The following MCM2 variants were observed in gnomAD, a reference collection of about 807,000 sequenced individuals.
MCM2 encodes minichromosome maintenance complex component 2.
Under a neutral mutation model 86.4 loss-of-function variants are expected in MCM2, and 49 were observed. That is an observed-to-expected ratio of 0.57 (90% CI 0.45 to 0.72). MCM2 has a LOEUF of 0.72. Among genes scored for constraint, MCM2 ranks in the 30% least tolerant of loss-of-function variants. The pLI, the probability that MCM2 is intolerant of heterozygous loss-of-function variation, is 0.00. For synonymous variants in MCM2, 475 were observed against 484.6 expected (o/e 0.98, Z 0.26); for missense variants, 1,038 against 1,259.9 (o/e 0.82, Z 2.67).
chr3:127,621,175 T>C lies in MCM2; in HGVS notation c.2551T>C (p.Phe851Leu), dbSNP rs1167669691. 1 of 1,614,186 alleles carries C rather than the reference T, an allele frequency of 6.2e-7. No homozygotes were observed. Among genetic ancestry groups the C allele is most frequent in the Admixed American group, 1.7e-5 (1 of 60,030 alleles). ...GCAGGTGACATATCAGCGCAACCGC[T>C]TTGGGGCCCAGCAGGACACTATTGA... ...AEQVTYQRNR[F>L]GAQQDTIEVP... Residue 851 changes from phenylalanine (F) to leucine (L), a missense_variant, in exon 15 of 16, where the codon TTT becomes CTT. Phe to Leu is a conservative substitution (Grantham distance 22). Around this residue, in one of 4 missense-constraint regions of MCM2, gnomAD observed 336 missense variants for 425.7 expected, o/e 0.79. Coordinates refer to ENST00000265056, the MANE Select transcript of MCM2 (RefSeq NM_004526.4).
chr3:127,600,496 T>C (rs1412174297), intron 2 of MCM2, among the ~76,000 whole-genome samples: 3 of 152,174 alleles, frequency 2.0e-5, no homozygotes, highest in African/African-American at 4.8e-5. Flanking sequence ...GTGAGAGTAC[T>C]GTGCAGGGCA....
At chr3:127,600,098 G>A (rs1333544710) in intron 2 of MCM2, among the ~76,000 whole-genome samples, 1 of 152,128 alleles carries the variant, frequency 6.6e-6, no homozygotes, top group Admixed American at 6.5e-5. Context: ...TGGTCAACAG[G>A]GTGAAACCCC....
chr3:127,617,275 G>A lies in MCM2; in HGVS notation c.1774-4G>A, dbSNP rs776018307. On this transcript the variant is annotated splice_region_variant and splice_polypyrimidine_tract_variant and intron_variant, in intron 10 of 15. Coordinates refer to ENST00000265056, the MANE Select transcript of MCM2 (RefSeq NM_004526.4). The surrounding 1 kb of genome is among the most constrained non-coding windows in gnomAD (Gnocchi z 4.1). ...GCTAAGGGTGGGCCATTTTAATCTTGCAGATGAATGACCAGGACAGAACCA... is the reference window on the plus strand; with the variant it reads ...GCTAAGGGTGGGCCATTTTAATCTTACAGATGAATGACCAGGACAGAACCA... 3.7e-6 allele frequency: 6 copies of A among 1,613,974 alleles called. No homozygotes were observed. Among genetic ancestry groups the A allele is most frequent in the South Asian group, 1.1e-5 (1 of 91,084 alleles).
Position 127,606,670 on chromosome 3 carries a change from C to T in MCM2, c.954C>T (p.Val318=). 1.2e-6 allele frequency: 2 copies of T among 1,614,230 alleles called. No individual in the cohort carries two copies. Among genetic ancestry groups the T allele is most frequent in the East Asian group, 2.2e-5 (1 of 44,890 alleles). The change falls in exon 6 of 16, where the codon GTC becomes GTT. Residue 318 remains valine, a synonymous_variant. Transcript: ENST00000265056. The surrounding 1 kb of genome is among the most constrained non-coding windows in gnomAD (Gnocchi z 4.2). ...TSGVVTSCTG[V]LPQLSMVKYN... ...GGGTGGTGACCAGCTGCACTGGCGT[C>T]CTGCCCCAGCTCAGCATGGTCAAGT...
In MCM2 at chr3:127,617,230, G is replaced by C. The variant is rs779989525; in HGVS notation, c.1774-49G>C. 3 of 1,610,618 alleles carry C rather than the reference G, an allele frequency of 1.9e-6. No individual in the cohort carries two copies. In the South Asian group the frequency reaches 3.3e-5, roughly 18 times the overall value. On this transcript the variant is annotated intron_variant, in intron 10 of 15. Transcript: ENST00000265056. The surrounding 1 kb of genome is among the most constrained non-coding windows in gnomAD (Gnocchi z 4.1). The stretch of plus-strand genomic sequence containing the variant: ...CCATTGGGACCTCATCGGAGACTTA[G>C]TAGTAGGGGCGTGAACCATGCTAAG...
rs1184317338 is a variant in MCM2 at position 127,617,226 on chromosome 3, CTT to C, written c.1774-52_1774-51del. The C allele has an allele frequency of 1.2e-6, 2 of 1,609,176 alleles. No individual in the cohort carries two copies. Among genetic ancestry groups the C allele is most frequent in the Non-Finnish European group, 1.7e-6 (2 of 1,176,514 alleles). ...GGGTCCATTGGGACCTCATCGGAGA[CTT>C]AGTAGTAGGGGCGTGAACCATGCTA... On this transcript the variant is annotated intron_variant, in intron 10 of 15. Transcript: ENST00000265056. The surrounding 1 kb of genome is among the most constrained non-coding windows in gnomAD (Gnocchi z 4.1).
At position 127,620,749 on chromosome 3, in the gene MCM2, A is replaced by G. The variant is rs2074470499; in HGVS notation, c.2317A>G (p.Met773Val). 5 of 1,613,082 alleles carry G rather than the reference A, an allele frequency of 3.1e-6. No individual in the cohort carries two copies. Among genetic ancestry groups the G allele is most frequent in the Admixed American group, 1.7e-5 (1 of 59,924 alleles). ...TVRHIESMIR[M>V]AEAHARIHLR... Reference sequence around the variant, plus strand: ...GCGGCACATCGAGTCCATGATCCGCATGGCGGAGGCCCACGCGCGCATCCA... The same window carrying G: ...GCGGCACATCGAGTCCATGATCCGCGTGGCGGAGGCCCACGCGCGCATCCA... Residue 773 changes from methionine to valine, a missense_variant, in exon 14 of 16, where the codon ATG becomes GTG. Around this residue, in one of 4 missense-constraint regions of MCM2, gnomAD observed 336 missense variants for 425.7 expected, o/e 0.79. Coordinates refer to ENST00000265056, the MANE Select transcript of MCM2 (RefSeq NM_004526.4).
intron 6 of MCM2, among the ~76,000 whole-genome samples, chr3:127,608,014 T>C (rs1416685611): frequency 6.6e-6 from 1 of 152,226 alleles, no homozygotes; most frequent in Non-Finnish European, 1.5e-5. Flanking sequence ...ATGTATGACT[T>C]GCTTTAATTC....
At chr3:127,598,849 G>A (rs780145978) in intron 1 of MCM2, 2 of 369,438 alleles carry the variant, frequency 5.4e-6, no homozygotes, top group Non-Finnish European at 9.7e-6. Flanking sequence ...ACTTACTTTT[G>A]TATTACCTTC....
intron 8 of MCM2, chr3:127,610,723 C>T (rs545449185): frequency 2.2e-6 from 1 of 452,612 alleles, no homozygotes; most frequent in Non-Finnish European, 4.5e-6. Flanking sequence ...GACGCAAACC[C>T]AGTAGGGGCA....
chr3:127,621,210 G>A lies in MCM2; in HGVS notation c.2586G>A (p.Glu862=), dbSNP rs201109342. 14 of 1,614,192 alleles carry A rather than the reference G, an allele frequency of 8.7e-6. No individual in the cohort carries two copies. In the Admixed American group the frequency reaches 2.3e-4, roughly 27 times the overall value. The change falls in exon 15 of 16, where the codon GAG becomes GAA. Residue 862 remains glutamate, a synonymous_variant. Transcript: ENST00000265056. Reference sequence around the variant, plus strand: ...AGCAGGACACTATTGAGGTCCCTGAGAAGGACTTGGTGGATAAGGTATGGG... The same window carrying A: ...AGCAGGACACTATTGAGGTCCCTGAAAAGGACTTGGTGGATAAGGTATGGG... The part of the protein sequence containing the change: ...GAQQDTIEVP[E]KDLVDKARQI...
At chr3:127,603,234 C>T (rs1457476518) in intron 2 of MCM2, among the ~76,000 whole-genome samples, 3 of 152,056 alleles carry the variant, frequency 2.0e-5, no homozygotes, top group Admixed American at 2.0e-4. Context: ...CTCCTGACCT[C>T]GTGATCCGCC....
At chr3:127,614,357 TC>T (rs2074419089) in intron 8 of MCM2, among the ~76,000 whole-genome samples, 1 of 152,260 alleles carries the variant, frequency 6.6e-6, no homozygotes, top group Non-Finnish European at 1.5e-5. Context: ...TGTTCACATT[TC>T]CCTGATTATC....
intron 1 of MCM2, chr3:127,599,039 A>G: frequency 1.9e-6 from 1 of 538,202 alleles, no homozygotes; most frequent in Non-Finnish European, 3.3e-6. Context: ...ACATAACCTC[A>G]GTGGTTTTTC....
chr3:127,603,564 C>T (rs1183302919), intron 2 of MCM2, among the ~76,000 whole-genome samples: 1 of 152,244 alleles, frequency 6.6e-6, no homozygotes, highest in African/African-American at 2.4e-5. Context: ...TGGCTCACTG[C>T]AGCCTTGAAC....
intron 13 of MCM2, among the ~76,000 whole-genome samples, chr3:127,619,569 CTCA>C (rs2074460619): frequency 6.6e-6 from 1 of 152,106 alleles, no homozygotes; most frequent in Non-Finnish European, 1.5e-5. Context: ...ATCCCAGCTT[CTCA>C]GGAGGCTGAG....
chr3:127,609,911 C>G (rs1406824068), intron 8 of MCM2, among the ~76,000 whole-genome samples: 2 of 123,194 alleles, frequency 1.6e-5, no homozygotes, highest in African/African-American at 6.2e-5. Context: ...GTGGCATGAT[C>G]TCAGCTCACT....
chr3:127,608,182 G>C (rs2074364571), intron 6 of MCM2, among the ~76,000 whole-genome samples, 200 bp from the exon 7 acceptor site: 1 of 152,202 alleles, frequency 6.6e-6, no homozygotes, highest in African/African-American at 2.4e-5. Context: ...CCGTCAGAAG[G>C]CATCCCAGAG....
At chr3:127,615,805 G>A (rs776549340) in intron 8 of MCM2, 57 bp from the exon 9 acceptor site, 64 of 1,278,960 alleles carry the variant, frequency 5.0e-5, no homozygotes, top group Middle Eastern at 1.8e-4. Flanking sequence ...GAGCATGTGG[G>A]TGACCTACTC....
Sources: allele counts gnomAD v4.1 joint callset (sites outside exome capture counted in the v4.1 genomes callset), GRCh38; gene constraint gnomAD v4.1.1; regional missense constraint gnomAD v4.1.1; non-coding constraint Gnocchi (gnomAD v3.1); transcripts MANE v1.5; gene names NCBI Gene and HGNC (gene_info 2026-07-23, HGNC 2026-07-21).